Variants in FRAS1 observed in about 807,000 individuals in gnomAD.
FRAS1 encodes Fraser extracellular matrix complex subunit 1.
FRAS1 carries 290 observed loss-of-function variants against 435.2 expected under a neutral mutation model. The ratio of observed to expected loss-of-function variants is 0.67; its 90% CI spans 0.61 to 0.73. The LOEUF (loss-of-function observed/expected upper bound fraction) is 0.73. Ranked by LOEUF, FRAS1 falls within the 30% of genes least tolerant of loss-of-function variation. FRAS1 has a pLI of 0.00. For synonymous variants in FRAS1, 1,800 were observed against 1,851.0 expected (o/e 0.97, Z 0.71); for missense variants, 4,860 against 5,001.5 (o/e 0.97, Z 0.85).
chr4:78,323,258 T>G (rs1466362272), intron 18 of FRAS1, among the ~76,000 whole-genome samples: 1 of 152,256 alleles, frequency 6.6e-6, no homozygotes, highest in Non-Finnish European at 1.5e-5. Context: ...GGAGACATTT[T>G]CAATAATCAG....
In FRAS1 at chr4:78,475,485, G is replaced by C. The variant is rs768383147; in HGVS notation, c.7730G>C (p.Arg2577Thr). The change falls in exon 54 of 74, where the codon AGG becomes ACG. Residue 2577 changes from arginine to threonine, a missense_variant. Transcript: ENST00000512123. The stretch of plus-strand genomic sequence containing the variant: ...GGGTCTGTCAGTGTCACGGTGCAGA[G>C]GACTGGGAACCTGAACCAATATGCC... ...KAGSVSVTVQ[R>T]TGNLNQYAIV... 6.2e-7 allele frequency: 1 copy of C among 1,613,944 alleles called. No individual in the cohort carries two copies. The highest frequency in any genetic ancestry group is 1.1e-5 in the South Asian group (1 of 91,080).
At chr4:78,212,601 C>T (rs1159249206) in intron 2 of FRAS1, among the ~76,000 whole-genome samples, 1 of 152,198 alleles carries the variant, frequency 6.6e-6, no homozygotes, top group Non-Finnish European at 1.5e-5. Flanking sequence ...CATAAATGCA[C>T]TTATTTATTC....
chr4:78,526,781 A>T (rs1721546876), intron 70 of FRAS1, 124 bp downstream of exon 70: 2 of 626,610 alleles, frequency 3.2e-6, no homozygotes, highest in Non-Finnish European at 5.5e-6. Flanking sequence ...ACTGACATGC[A>T]CAGCAGAGTC....
In FRAS1 at chr4:78,515,841, T is replaced by A. The variant is rs1271334904; in HGVS notation, c.10217T>A (p.Leu3406Gln). 1 of 1,614,028 alleles carries A rather than the reference T, an allele frequency of 6.2e-7. No individual in the cohort carries two copies. The highest frequency in any genetic ancestry group is 1.7e-5 in the Admixed American group (1 of 60,030). Residue 3406 changes from leucine to glutamine, a missense_variant, in exon 66 of 74, where the codon CTG becomes CAG. Leu to Gln is a moderately radical substitution (Grantham distance 113, BLOSUM62 -2). Coordinates refer to ENST00000512123, the MANE Select transcript of FRAS1 (RefSeq NM_025074.7). ...GATGTGGTCTATGATAGCACTGCCC[T>A]GGGGCCTGGCTACGATCGCCCCTTC... The part of the protein sequence containing the change: ...LDDVVYDSTA[L>Q]GPGYDRPFQF...
rs1729383815 is a variant in FRAS1, at chr4:78,318,905, T to C, written c.2056T>C (p.Ser686Pro). ...PEEGLQVEQL[S>P]DVGIPSGECL... ...GGAAGGACTGCAAGTGGAGCAGCTG[T>C]CTGACGTGGGCATCCCCTCTGGCGA... Residue 686 changes from serine (S) to proline (P), a missense_variant, in exon 18 of 74, where the codon TCT becomes CCT. Coordinates refer to ENST00000512123, the MANE Select transcript of FRAS1 (RefSeq NM_025074.7). 1.9e-6 allele frequency: 3 copies of C among 1,613,926 alleles called. No individual in the cohort carries two copies. Among genetic ancestry groups the C allele is most frequent in the Non-Finnish European group, 2.5e-6 (3 of 1,179,898 alleles).
intron 2 of FRAS1, among the ~76,000 whole-genome samples, chr4:78,121,541 C>T (rs939939175): frequency 2.0e-5 from 3 of 152,290 alleles, no homozygotes; most frequent in African/African-American, 7.2e-5. Flanking sequence ...CCTCTTGGCA[C>T]GCCCTGGGAA....
At position 78,066,029 on chromosome 4, in the gene FRAS1, T is replaced by A. The variant is rs1416608672; in HGVS notation, c.108+13T>A. 1.3e-6 allele frequency: 2 copies of A among 1,589,038 alleles called. No individual in the cohort carries two copies. ...TTCCTTGTTGGCGGTAGGTCATTCT[T>A]TACATACTTGGTTTCTGTCATTTGA... On this transcript the variant is annotated intron_variant, in intron 2 of 73. Transcript: ENST00000512123.
At chr4:78,271,069 C>T (rs1404195120) in intron 9 of FRAS1, among the ~76,000 whole-genome samples, 1 of 152,156 alleles carries the variant, frequency 6.6e-6, no homozygotes. Flanking sequence ...ATCTATAATG[C>T]TACCAAAGAC....
chr4:78,438,803 G>C, intron 39 of FRAS1, 85 bp downstream of exon 39: 2 of 1,493,948 alleles, frequency 1.3e-6, no homozygotes, highest in Non-Finnish European at 1.8e-6. Context: ...TCTGTTGAAA[G>C]AATATATTGG....
At chr4:78,457,743 A>C (rs1450252472) in intron 47 of FRAS1, among the ~76,000 whole-genome samples, 1 of 152,222 alleles carries the variant, frequency 6.6e-6, no homozygotes, top group African/African-American at 2.4e-5. Flanking sequence ...GCTAAGAGTT[A>C]ACTTATCAAG....
intron 2 of FRAS1, among the ~76,000 whole-genome samples, chr4:78,090,263 G>C (rs1452512752): frequency 6.6e-6 from 1 of 152,148 alleles, no homozygotes; most frequent in Admixed American, 6.6e-5. Context: ...CAGATTGGAG[G>C]GAAGCTATTG....
At chr4:78,515,323 CTTTT>C (rs78491600) in intron 65 of FRAS1, among the ~76,000 whole-genome samples, 2 of 136,344 alleles carry the variant, frequency 1.5e-5, no homozygotes, top group African/African-American at 2.7e-5. Flanking sequence ...GGTATGCTGG[CTTTT>C]TTTTTTTTTT....
At chr4:78,332,405 A>G (rs1275944383) in intron 18 of FRAS1, among the ~76,000 whole-genome samples, 1 of 152,344 alleles carries the variant, frequency 6.6e-6, no homozygotes, top group East Asian at 1.9e-4. Flanking sequence ...CCCCTTTATC[A>G]TTAAAGGTCT....
Position 78,384,130 on chromosome 4 carries a change from C to T in FRAS1, c.3635C>T (p.Ala1212Val), listed in dbSNP as rs752127535. 3 of 1,595,830 alleles carry T rather than the reference C, an allele frequency of 1.9e-6. No individual in the cohort carries two copies. The Admixed American group carries it at 5.3e-5, about 28-fold the overall frequency. The stretch of plus-strand genomic sequence containing the variant: ...GAGCCACAGCTGATCAACATACAAG[C>T]ATTTTCAACACAGGTAATAAAAATG... ...FSEPQLINIQ[A>V]FSTQAPYVLR... The change falls in exon 28 of 74, where the codon GCA becomes GTA. Residue 1212 changes from alanine to valine, a missense_variant. Coordinates refer to ENST00000512123, the MANE Select transcript of FRAS1 (RefSeq NM_025074.7).
At chr4:78,271,117 A>G (rs1011527049) in intron 9 of FRAS1, among the ~76,000 whole-genome samples, 1 of 152,144 alleles carries the variant, frequency 6.6e-6, no homozygotes, top group African/African-American at 2.4e-5. Context: ...CTTCCATAAT[A>G]TTTGTCATTA....
At chr4:78,071,673 C>T (rs1190675970) in intron 2 of FRAS1, 1 of 152,118 alleles carries the variant, frequency 6.6e-6, no homozygotes, top group Non-Finnish European at 1.5e-5. Flanking sequence ...TTATTGAGTA[C>T]TTGAAGTGTG....
intron 2 of FRAS1, among the ~76,000 whole-genome samples, chr4:78,195,964 CT>C (rs1028145145): frequency 2.2e-5 from 3 of 137,880 alleles, no homozygotes; most frequent in Admixed American, 7.2e-5. Flanking sequence ...TTTTTTTTTA[CT>C]TTTTTTTAAC....
chr4:78,128,021 A>C (rs1225846336), intron 2 of FRAS1, among the ~76,000 whole-genome samples: 1 of 149,462 alleles, frequency 6.7e-6, no homozygotes, highest in Non-Finnish European at 1.5e-5. Flanking sequence ...TTTGTCCTTG[A>C]GATAGTTTGC....
At chr4:78,163,131 G>A (rs188987171) in intron 2 of FRAS1, among the ~76,000 whole-genome samples, 1 of 152,300 alleles carries the variant, frequency 6.6e-6, no homozygotes, top group East Asian at 1.9e-4. Flanking sequence ...AACCTCAGAT[G>A]ACAAAAGAGA....
Sources: allele counts gnomAD v4.1 joint callset (sites outside exome capture counted in the v4.1 genomes callset), GRCh38; gene constraint gnomAD v4.1.1; transcripts MANE v1.5; gene names NCBI Gene and HGNC (gene_info 2026-07-23, HGNC 2026-07-21).